Variants in UBR1 observed in about 807,000 individuals in gnomAD.
UBR1 encodes E3 ubiquitin-protein ligase UBR1.
UBR1 carries 102 observed loss-of-function variants against 242.1 expected under a neutral mutation model. The ratio of observed to expected loss-of-function variants is 0.42; its 90% confidence interval spans 0.36 to 0.50. The LOEUF is 0.50. UBR1 is among the 20% of genes least tolerant of loss of function. The probability of loss-of-function intolerance (pLI) is 0.01; values close to 1 mark genes in which losing one functional copy is unlikely to be tolerated. For synonymous variants in UBR1, 675 were observed against 684.8 expected (o/e 0.99, Z 0.22); for missense variants, 1,772 against 2,101.8 (o/e 0.84, Z 3.07).
rs76172507 is a variant in UBR1 at position 43,105,976 on chromosome 15, G to C, written c.47C>G (p.Ala16Gly). The change falls in exon 1 of 47, where the codon GCG becomes GGG. Residue 16 changes from alanine (A) to glycine (G), a missense_variant. This residue lies in a region of UBR1 where 734 missense variants were observed against 893.3 expected (regional missense o/e 0.82). Transcript: ENST00000290650. ...ACGCTGAGGGGTCTGGGGTAACTCC[G>C]CGCTGATTTCCATCCTCTCAGTACC... ...AGGTERMEIS[A>G]ELPQTPQRLA... The C allele has an allele frequency of 6.2e-7, 1 of 1,613,888 alleles. No individual in the cohort carries two copies. Among genetic ancestry groups the C allele is most frequent in the African/African-American group, 1.3e-5 (1 of 74,894 alleles).
intron 6 of UBR1, among the ~76,000 whole-genome samples, chr15:43,064,598 A>G (rs2033730458): frequency 7.3e-6 from 1 of 137,418 alleles, no homozygotes. Context: ...TTTTTTTGAG[A>G]TAGAATCTCG....
At chr15:43,011,418 T>TTA (rs956429580) in intron 29 of UBR1, among the ~76,000 whole-genome samples, 28 of 152,140 alleles carry the variant, frequency 1.8e-4, no homozygotes, top group Non-Finnish European at 3.4e-4. Flanking sequence ...ATTTTAAGAC[T>TTA]TATATAAGTC....
chr15:43,050,061 C>T (rs982914398), intron 12 of UBR1, among the ~76,000 whole-genome samples: 5 of 152,152 alleles, frequency 3.3e-5, no homozygotes, highest in Non-Finnish European at 7.3e-5. Flanking sequence ...GAGTAATCCT[C>T]CTGCCTCAGC....
At chr15:43,058,464 G>T (rs1462399254) in intron 9 of UBR1, 35 bp from the exon 10 acceptor site, 1 of 1,533,586 alleles carries the variant, frequency 6.5e-7, no homozygotes, top group African/African-American at 1.4e-5. Flanking sequence ...GGGGAATGAG[G>T]AGAATCACCA....
chr15:43,027,699 G>A lies in UBR1; in HGVS notation c.2432+77C>T, dbSNP rs923396676. ...TGGGAGTTCAGGCAAGAACTTCAGA[G>A]CTTCTACAAAGTATCCAAAGTACAA... On this transcript the variant is annotated intron_variant, in intron 22 of 46. Transcript: ENST00000290650. 150 of 1,365,526 alleles carry A rather than the reference G, an allele frequency of 1.1e-4. No individual in the cohort carries two copies. The Admixed American group carries it at 1.6e-3, about 15-fold the overall frequency. 84.6% of individuals were successfully genotyped at this position (1,365,526 alleles called of 1,614,324 possible).
chr15:42,994,088 A>G (rs1367653156), intron 33 of UBR1, among the ~76,000 whole-genome samples: 2 of 152,166 alleles, frequency 1.3e-5, no homozygotes, highest in Non-Finnish European at 2.9e-5. Flanking sequence ...CAACAGTTAC[A>G]TGGAACAGTA....
At chr15:43,024,314 C>T (rs1334217985) in intron 25 of UBR1, among the ~76,000 whole-genome samples, 5 of 152,126 alleles carry the variant, frequency 3.3e-5, no homozygotes, top group Admixed American at 1.3e-4. Flanking sequence ...ACTACCATGA[C>T]GTGGCATAAT....
At chr15:43,055,672 T>A (rs1435512514) in intron 11 of UBR1, among the ~76,000 whole-genome samples, 3 of 152,170 alleles carry the variant, frequency 2.0e-5, no homozygotes, top group African/African-American at 7.2e-5. Context: ...CCCAGCACTT[T>A]GGGAGGCTAA....
intron 3 of UBR1, among the ~76,000 whole-genome samples, chr15:43,075,309 A>C (rs1411441082): frequency 6.6e-6 from 1 of 152,238 alleles, no homozygotes; most frequent in Non-Finnish European, 1.5e-5. Flanking sequence ...TCATAACAAA[A>C]ATGAACTGCC....
intron 14 of UBR1, among the ~76,000 whole-genome samples, chr15:43,046,806 G>A (rs949135787): frequency 6.6e-6 from 1 of 152,064 alleles, no homozygotes; most frequent in Admixed American, 6.5e-5. Flanking sequence ...ATACAACAAA[G>A]CTCTTGAATG....
chr15:43,076,818 G>T (rs2033906608), intron 3 of UBR1, among the ~76,000 whole-genome samples: 1 of 127,076 alleles, frequency 7.9e-6, no homozygotes, highest in Non-Finnish European at 1.7e-5. Flanking sequence ...CGTCCGGGAG[G>T]TGAGGGGCGC....
chr15:43,028,627 C>G (rs1349878631), intron 21 of UBR1, among the ~76,000 whole-genome samples: 2 of 151,324 alleles, frequency 1.3e-5, no homozygotes, highest in Non-Finnish European at 2.9e-5. Flanking sequence ...CGCCTGTAGT[C>G]CTAGCTACTC....
chr15:43,020,367 C>G (rs914353188), intron 27 of UBR1, among the ~76,000 whole-genome samples: 3 of 152,180 alleles, frequency 2.0e-5, no homozygotes, highest in Non-Finnish European at 4.4e-5. Context: ...TCCTTCATCT[C>G]TCCCATCAGA....
At chr15:43,085,920 CAAAAAAAAA>C in intron 2 of UBR1, 55 bp downstream of exon 2, 1 of 1,242,828 alleles carries the variant, frequency 8.0e-7, no homozygotes, top group Admixed American at 3.1e-5. Context: ...GACTCTGTTT[CAAAAAAAAA>C]AAAAAAAAAG....
At chr15:43,059,920 C>G in intron 7 of UBR1, 95 bp from the exon 8 acceptor site, 1 of 1,560,068 alleles carries the variant, frequency 6.4e-7, no homozygotes, top group African/African-American at 1.4e-5. Context: ...CATAACCCTG[C>G]CAGTTCCAAA....
Position 42,986,579 on chromosome 15 carries a change from T to A in UBR1, c.3998-1637A>T, listed in dbSNP as rs188387495. 1.0e-3 allele frequency among the ~76,000 whole-genome samples: 159 copies of A among 152,334 alleles called. 1 individual carries two copies. The highest frequency in any genetic ancestry group is 3.8e-3 in the African/African-American group (156 of 41,588). ...ATGACTCCACAAGAATGCTTTACATTTCTTATCAATTTGTTCAGACTCTAT... is the reference window on the plus strand; with the variant it reads ...ATGACTCCACAAGAATGCTTTACATATCTTATCAATTTGTTCAGACTCTAT... On this transcript the variant is annotated intron_variant, in intron 35 of 46. Coordinates refer to ENST00000290650, the MANE Select transcript of UBR1 (RefSeq NM_174916.3).
intron 6 of UBR1, 52 bp from the exon 7 acceptor site, chr15:43,060,166 A>C (rs749880647): frequency 6.5e-7 from 1 of 1,544,244 alleles, no homozygotes; most frequent in African/African-American, 1.4e-5. Context: ...ACCACAATCA[A>C]TAAGCAATAT....
At chr15:43,041,716 A>C (rs185021869) in intron 15 of UBR1, among the ~76,000 whole-genome samples, 4 of 152,352 alleles carry the variant, frequency 2.6e-5, no homozygotes, top group African/African-American at 9.6e-5. Context: ...CCTGTGTCTC[A>C]AAGAAGACCA....
At chr15:42,968,021 T>G (rs2032140237) in intron 40 of UBR1, among the ~76,000 whole-genome samples, 1 of 151,952 alleles carries the variant, frequency 6.6e-6, no homozygotes, top group Admixed American at 6.6e-5. Flanking sequence ...TACATGCATG[T>G]TAAAATACAA....
Sources: gnomAD v4.1 joint callset for allele counts (sites outside exome capture counted in the v4.1 genomes callset) on GRCh38, gnomAD v4.1.1 for gene constraint, gnomAD v4.1.1 regional missense constraint, MANE v1.5 for transcripts, NCBI Gene and HGNC (gene_info 2026-07-23, HGNC 2026-07-21) for gene names.